Variants in CPAMD8 observed in about 807,000 individuals in gnomAD.
The protein encoded by CPAMD8 is C3 and PZP-like alpha-2-macroglobulin domain-containing protein 8.
CPAMD8 carries 146 observed loss-of-function variants against 224.7 expected under a neutral mutation model. The ratio of observed to expected loss-of-function variants is 0.65; its 90% CI spans 0.57 to 0.75. The LOEUF is 0.75. CPAMD8 is among the 30% of genes least tolerant of loss of function. The probability of loss-of-function intolerance (pLI) is 0.00; values close to 1 mark genes in which losing one functional copy is unlikely to be tolerated. For synonymous variants in CPAMD8, 966 were observed against 1,044.6 expected (o/e 0.92, Z 1.45); for missense variants, 2,301 against 2,537.5 (o/e 0.91, Z 2.00).
intron 41 of CPAMD8, 147 bp downstream of exon 41, chr19:16,896,029 T>G (rs1432678418): frequency 1.1e-6 from 1 of 882,846 alleles, no homozygotes; most frequent in South Asian, 1.3e-5. Context: ...ACTCTGAGCC[T>G]CTGACCCTGA....
chr19:17,018,874 C>T (rs1312412385), intron 3 of CPAMD8, among the ~76,000 whole-genome samples: 1 of 149,408 alleles, frequency 6.7e-6, no homozygotes, highest in Non-Finnish European at 1.5e-5. Flanking sequence ...TACCATTGCA[C>T]TCCAGCCTGG....
rs1234647635 is a variant in CPAMD8, at chr19:16,897,567, T to C, written c.5065+124A>G. The C allele has an allele frequency of 3.3e-5, 20 of 600,216 alleles. 1 individual carries two copies. The highest frequency in any genetic ancestry group is 2.9e-6 in the Non-Finnish European group (1 of 341,294). 37.2% of individuals were successfully genotyped at this position (600,216 alleles called of 1,614,324 possible). A position where few individuals can be genotyped will look rare whatever the true frequency, so the allele number is the denominator to read the frequency against. ...GCGCCCGCCCACCTCTATGCTGCGT[T>C]CTCCTGACTTTACGTTGGCCCCTCC... On this transcript the variant is annotated intron_variant, in intron 39 of 41. Transcript: ENST00000443236.
intron 1 of CPAMD8, among the ~76,000 whole-genome samples, chr19:17,023,630 G>A (rs1002402529): frequency 5.3e-5 from 8 of 151,974 alleles, no homozygotes; most frequent in Non-Finnish European, 1.0e-4. Context: ...TGCCCAGGCT[G>A]GAGTGCAGTG....
intron 23 of CPAMD8, among the ~76,000 whole-genome samples, chr19:16,935,101 TG>T (rs2053647453): frequency 6.6e-6 from 1 of 152,220 alleles, no homozygotes; most frequent in Non-Finnish European, 1.5e-5. Context: ...CTTTTAAAAA[TG>T]TTTTTAACTT....
chr19:16,923,910 C>A (rs149056925), intron 26 of CPAMD8, among the ~76,000 whole-genome samples: 79 of 151,936 alleles, frequency 5.2e-4, no homozygotes, highest in African/African-American at 1.9e-3. Context: ...GAGCTATGAT[C>A]GCACCATTGC....
intron 7 of CPAMD8, 57 bp from the exon 8 acceptor site, chr19:17,004,443 C>G: frequency 8.6e-7 from 1 of 1,157,082 alleles, no homozygotes; most frequent in East Asian, 2.4e-5. Flanking sequence ...CGGTGAGGTA[C>G]GGGAAGAGGG....
At chr19:16,897,352 C>T in intron 39 of CPAMD8, 1 of 337,620 alleles carries the variant, frequency 3.0e-6, no homozygotes, top group South Asian at 4.9e-5. Flanking sequence ...CGACCCCGCC[C>T]TCACCACACT....
intron 3 of CPAMD8, among the ~76,000 whole-genome samples, 166 bp downstream of exon 3, chr19:17,020,162 TGCG>T (rs2123242580): frequency 6.6e-6 from 1 of 151,270 alleles, no homozygotes; most frequent in South Asian, 2.1e-4. Context: ...TTAGTAGAGA[TGCG>T]GTTTCACCAT....
chr19:16,894,438 C>T (rs760905794), intron 41 of CPAMD8: 3 of 456,610 alleles, frequency 6.6e-6, no homozygotes, highest in Non-Finnish European at 1.3e-5. Flanking sequence ...GCCGCTCTGA[C>T]TGGCCAGGAG....
At chr19:16,919,708 G>A (rs1420955006) in intron 27 of CPAMD8, among the ~76,000 whole-genome samples, 1 of 152,242 alleles carries the variant, frequency 6.6e-6, no homozygotes, top group Non-Finnish European at 1.5e-5. Context: ...GGACCTGGAG[G>A]TAGGAACCAT....
At chr19:16,946,604 T>G (rs1394235003) in intron 21 of CPAMD8, among the ~76,000 whole-genome samples, 1 of 148,362 alleles carries the variant, frequency 6.7e-6, no homozygotes, top group Admixed American at 6.7e-5. Context: ...TGGGCGTGTG[T>G]GTGTGGATTT....
Position 16,915,858 on chromosome 19 carries a change from CTCT to C in CPAMD8, c.3630-1048_3630-1046del, listed in dbSNP as rs1414780330. Among the ~76,000 whole-genome samples, 10 of 150,460 alleles carry C rather than the reference CTCT, an allele frequency of 6.6e-5. No homozygotes were observed. The East Asian group carries it at 1.8e-3, about 27-fold the overall frequency. On this transcript the variant is annotated intron_variant, in intron 27 of 41. Coordinates refer to ENST00000443236, the MANE Select transcript of CPAMD8 (RefSeq NM_015692.5). Reference sequence around the variant, plus strand: ...CTTCCTTCCTTCCTTCCCTCCCTCCCTCTTCCTTTCTTCTTTCTCTCTTTTCTT... The same window carrying C: ...CTTCCTTCCTTCCTTCCCTCCCTCCCTCCTTTCTTCTTTCTCTCTTTTCTT...
At position 17,011,746 on chromosome 19, in the gene CPAMD8, G is replaced by A; in HGVS notation, c.279C>T (p.Gly93=). Residue 93 remains glycine (G), a synonymous_variant, in exon 4 of 42, where the codon GGC becomes GGT. Coordinates refer to ENST00000443236, the MANE Select transcript of CPAMD8 (RefSeq NM_015692.5). ...CTTTCAGAAGCGCTTGGCCCCGGAG[G>A]CCCGTGGGCACCTGCAGGCAGAGGA... ...KGTIKLKVPT[G]LRGQALLKVW... is the part of the protein sequence containing the mutation. The A allele has an allele frequency of 4.3e-6, 7 of 1,613,384 alleles. No homozygotes were observed. Among genetic ancestry groups the A allele is most frequent in the South Asian group, 1.1e-5 (1 of 91,000 alleles).
chr19:16,948,718 A>AAGGGAAGGGAAG (rs2054185810), intron 20 of CPAMD8, among the ~76,000 whole-genome samples: 1 of 149,570 alleles, frequency 6.7e-6, no homozygotes, highest in African/African-American at 2.5e-5. Flanking sequence ...TGGGCAACAG[A>AAGGGAAGGGAAG]GCGAGACTCC....
rs1261590285 is a variant in CPAMD8 at position 16,903,723 on chromosome 19, C to T, written c.4386G>A (p.Gln1462=). ...GCACCGCTGCTGTCTGCAGAACCTT[C>T]TGGTTGGTCCTGTGCAGCTCGAAGG... ...QETFELHRTN[Q]KVLQTAAIPS... is the part of the protein sequence containing the mutation. The change falls in exon 33 of 42, where the codon CAG becomes CAA. Residue 1462 remains glutamine (Q), a synonymous_variant. Transcript: ENST00000443236. The T allele has an allele frequency of 6.8e-6, 11 of 1,614,090 alleles. No homozygotes were observed. The Admixed American group carries it at 1.8e-4, about 27-fold the overall frequency.
chr19:16,917,986 G>A (rs1022811626), intron 27 of CPAMD8, among the ~76,000 whole-genome samples: 7 of 151,968 alleles, frequency 4.6e-5, no homozygotes, highest in South Asian at 4.2e-4. Context: ...ATATCCTCCC[G>A]TGAACTTTAT....
chr19:16,910,170 T>C (rs988312343), intron 29 of CPAMD8, among the ~76,000 whole-genome samples: 6 of 150,536 alleles, frequency 4.0e-5, no homozygotes, highest in Non-Finnish European at 8.9e-5. Context: ...CAAGAACCTT[T>C]AACTTTTTTT....
At chr19:16,908,325 C>T (rs201274102) in intron 29 of CPAMD8, among the ~76,000 whole-genome samples, 3 of 151,474 alleles carry the variant, frequency 2.0e-5, no homozygotes, top group Admixed American at 6.6e-5. Context: ...ATTGCACCAC[C>T]GCACTCCAGC....
chr19:17,001,940 G>A (rs1300802034), intron 9 of CPAMD8, among the ~76,000 whole-genome samples: 2 of 151,580 alleles, frequency 1.3e-5, no homozygotes, highest in Non-Finnish European at 2.9e-5. Context: ...CACAGGGGAG[G>A]AGCCCAGCAG....
Sources: allele counts gnomAD v4.1 joint callset (sites outside exome capture counted in the v4.1 genomes callset), GRCh38; gene constraint gnomAD v4.1.1; transcripts MANE v1.5; gene names NCBI Gene and HGNC (gene_info 2026-07-23, HGNC 2026-07-21).